The following RANBP2 variants were observed in gnomAD, a reference collection of about 807,000 sequenced individuals.
RANBP2 encodes RAN binding protein 2.
Under a neutral mutation model 303.6 loss-of-function variants are expected in RANBP2, and 57 were observed. That is an observed-to-expected ratio of 0.19 (90% CI 0.15 to 0.23). The LOEUF (loss-of-function observed/expected upper bound fraction) is 0.23, where lower values mean the gene tolerates loss of function less well. Ranked by LOEUF, RANBP2 falls within the 10% of genes least tolerant of loss-of-function variation. RANBP2 has a pLI of 1.00. For missense variants in RANBP2, 3,138 were observed against 3,780.8 expected (o/e 0.83, Z 4.46); for synonymous variants, 1,167 against 1,301.5 (o/e 0.90, Z 2.23).
the RANBP2 span, among the ~76,000 whole-genome samples, chr2:109,410,861 G>A: frequency 2.6e-4 from 39 of 152,204 alleles, no homozygotes; most frequent in African/African-American, 8.9e-4. Flanking sequence ...ATTTCCATTG[G>A]ATGATCTTGG....
At chr2:108,992,119 C>G in the RANBP2 span, among the ~76,000 whole-genome samples, 1,486 of 152,282 alleles carry the variant, frequency 9.8e-3, 19 homozygotes, top group Middle Eastern at 0.02. Flanking sequence ...GTCTTAATTA[C>G]AAATCTCATG....
the RANBP2 span, among the ~76,000 whole-genome samples, chr2:109,658,111 C>T: frequency 6.6e-6 from 1 of 151,928 alleles, no homozygotes; most frequent in African/African-American, 2.4e-5. Context: ...ACGTATAGAA[C>T]CTGATTCTCA....
chr2:109,103,132 T>TC, the RANBP2 span, among the ~76,000 whole-genome samples: 1 of 152,048 alleles, frequency 6.6e-6, no homozygotes, highest in Non-Finnish European at 1.5e-5. Context: ...GGCTGACGAG[T>TC]CCCCTGGTGG....
the RANBP2 span, among the ~76,000 whole-genome samples, chr2:108,982,238 T>C: frequency 1.3e-5 from 2 of 152,108 alleles, no homozygotes; most frequent in Admixed American, 1.3e-4. Context: ...TGTTCCAGGG[T>C]AAACAGGAAA....
the RANBP2 span, chr2:109,585,597 A>G: frequency 1.2e-5 from 10 of 805,088 alleles, no homozygotes; most frequent in Non-Finnish European, 1.9e-5. Context: ...CTAAACAACT[A>G]AAGAGAATCC....
At chr2:108,988,086 G>A in the RANBP2 span, among the ~76,000 whole-genome samples, 7 of 152,228 alleles carry the variant, frequency 4.6e-5, no homozygotes, top group Non-Finnish European at 2.9e-5. Context: ...CTCTCCGTAC[G>A]TCTCCTCACA....
At chr2:109,155,112 A>G in the RANBP2 span, among the ~76,000 whole-genome samples, 1 of 152,168 alleles carries the variant, frequency 6.6e-6, no homozygotes, top group Non-Finnish European at 1.5e-5. Context: ...GAGCCACATA[A>G]AGGCATTTTG....
the RANBP2 span, among the ~76,000 whole-genome samples, chr2:108,867,828 A>ACT: frequency 6.6e-6 from 1 of 152,256 alleles, no homozygotes; most frequent in Admixed American, 6.5e-5. Flanking sequence ...AGTCATCAGA[A>ACT]CTGGAATAAA....
chr2:108,922,383 T>C, the RANBP2 span, among the ~76,000 whole-genome samples: 1 of 152,356 alleles, frequency 6.6e-6, no homozygotes, highest in Middle Eastern at 3.4e-3. Context: ...AATTAGCATA[T>C]GGCTGGCCAG....
chr2:108,808,329 A>C, the RANBP2 span, among the ~76,000 whole-genome samples: 1 of 152,216 alleles, frequency 6.6e-6, no homozygotes, highest in Non-Finnish European at 1.5e-5. Flanking sequence ...ATGGGAGTGC[A>C]GATATCTCTT....
chr2:108,816,150 TTAAAA>T, the RANBP2 span: 4 of 1,473,192 alleles, frequency 2.7e-6, no homozygotes, highest in Non-Finnish European at 3.7e-6. Context: ...TATATGAAGA[TTAAAA>T]AAGGAAAAGC....
the RANBP2 span, among the ~76,000 whole-genome samples, chr2:109,035,367 TAACAC>T: frequency 4.1e-4 from 62 of 151,908 alleles, no homozygotes; most frequent in South Asian, 0.013. Flanking sequence ...TATCTGGACA[TAACAC>T]AACAGACAGC....
the RANBP2 span, among the ~76,000 whole-genome samples, chr2:109,694,794 C>T: frequency 1.7e-5 from 2 of 120,156 alleles, no homozygotes; most frequent in African/African-American, 6.1e-5. Context: ...TGTATATATC[C>T]ATAGGGATGT....
the RANBP2 span, among the ~76,000 whole-genome samples, chr2:109,628,929 T>C: frequency 6.6e-6 from 1 of 151,988 alleles, no homozygotes; most frequent in Non-Finnish European, 1.5e-5. Context: ...CTAGGCTGGG[T>C]GCAGTGGCTC....
the RANBP2 span, among the ~76,000 whole-genome samples, chr2:109,416,762 C>A: frequency 6.6e-6 from 1 of 151,800 alleles, no homozygotes; most frequent in African/African-American, 2.4e-5. Flanking sequence ...AAATATTAGC[C>A]GGGGGTGGTA....
the RANBP2 span, chr2:109,614,685 G>A: frequency 6.7e-7 from 1 of 1,487,826 alleles, no homozygotes; most frequent in Non-Finnish European, 8.9e-7. Context: ...CGTGGCCACT[G>A]TGCGCGTCGA....
At chr2:109,179,887 AAAATACAG>A in the RANBP2 span, among the ~76,000 whole-genome samples, 1 of 152,220 alleles carries the variant, frequency 6.6e-6, no homozygotes, top group African/African-American at 2.4e-5. Context: ...TTATCGCAGG[AAAATACAG>A]GGGTCAAAAA....
chr2:108,998,214 T>C, the RANBP2 span, among the ~76,000 whole-genome samples: 1 of 152,162 alleles, frequency 6.6e-6, no homozygotes, highest in Non-Finnish European at 1.5e-5. Flanking sequence ...TGATCTCTTC[T>C]TCCTCTGTGA....
At chr2:109,379,346 C>T in the RANBP2 span, among the ~76,000 whole-genome samples, 1 of 152,232 alleles carries the variant, frequency 6.6e-6, no homozygotes, top group Non-Finnish European at 1.5e-5. Flanking sequence ...TGGAAAACGC[C>T]TTTAAAGTCA....
Sources: gnomAD v4.1 joint callset for allele counts (sites outside exome capture counted in the v4.1 genomes callset) on GRCh38, gnomAD v4.1.1 for gene constraint, MANE v1.5 for transcripts, NCBI Gene and HGNC (gene_info 2026-07-23, HGNC 2026-07-21) for gene names.